Variants in PUDP observed in about 807,000 individuals in gnomAD.
PUDP encodes pseudouridine-5'-phosphatase.
PUDP carries 8 observed loss-of-function variants against 9.4 expected under a neutral mutation model. The observed-to-expected ratio is 0.85, with a 90% CI of 0.50 to 1.53. PUDP has a LOEUF of 1.53. Ranked by LOEUF, PUDP falls within the 40% of genes most tolerant of loss-of-function variation. The pLI is 0.00. For missense variants in PUDP, 188 were observed against 189.7 expected, an observed-to-expected ratio of 0.99 and a Z score of 0.05; for synonymous variants, 99 against 80.7, an observed-to-expected ratio of 1.23 and a Z score of -1.22.
At chrX:6,948,024 AC>A (rs972000594) in intron 3 of PUDP, among the ~76,000 whole-genome samples, 2 of 111,642 alleles carry the variant, frequency 1.8e-5, no homozygotes, top group African/African-American at 6.5e-5. Context: ...AAAAGGAAAA[AC>A]AAAAAGGAGG....
At chrX:6,871,891 A>T (rs751972740) in intron 3 of PUDP, among the ~76,000 whole-genome samples, 5 of 111,943 alleles carry the variant, frequency 4.5e-5, no homozygotes, top group African/African-American at 9.7e-5. Flanking sequence ...ATAGCTTTTT[A>T]AAAAAACCTT....
At chrX:6,826,636 A>G (rs983708817) in intron 3 of PUDP, among the ~76,000 whole-genome samples, 2 of 112,496 alleles carry the variant, frequency 1.8e-5, no homozygotes, top group African/African-American at 6.5e-5. Flanking sequence ...GCAAAAAAAG[A>G]AGAAGAAAAT....
intron 3 of PUDP, among the ~76,000 whole-genome samples, chrX:6,797,123 C>T (rs1037303): frequency 0.36 from 40,227 of 110,696 alleles, 5,966 homozygotes; most frequent in East Asian, 0.7. Flanking sequence ...GTTAGGGTAC[C>T]TGTGTAACTG....
intron 3 of PUDP, among the ~76,000 whole-genome samples, chrX:6,859,843 T>C (rs771864605): frequency 9.0e-6 from 1 of 110,997 alleles, no homozygotes; most frequent in African/African-American, 3.3e-5. Context: ...GCCCACCAAA[T>C]TGTCCATAAA....
At chrX:6,991,676 C>CAAA (rs5901333) in intron 1 of PUDP, among the ~76,000 whole-genome samples, 26 of 85,726 alleles carry the variant, frequency 3.0e-4, no homozygotes, top group African/African-American at 5.5e-4. Flanking sequence ...GACCTTGTCT[C>CAAA]AAAAAAAAAA....
At chrX:6,836,499 G>A (rs1279934624) in intron 3 of PUDP, among the ~76,000 whole-genome samples, 2 of 112,039 alleles carry the variant, frequency 1.8e-5, no homozygotes, top group Non-Finnish European at 3.8e-5. Flanking sequence ...GTAAGATGCT[G>A]AGCAGAGAAC....
chrX:7,095,903 G>A (rs1243977380), intron 2 of PUDP, among the ~76,000 whole-genome samples: 1 of 112,173 alleles, frequency 8.9e-6, no homozygotes, highest in Non-Finnish European at 1.9e-5. Flanking sequence ...GTGTCAGTGT[G>A]GACATATGAA....
At chrX:7,070,085 C>T (rs945972485) in intron 3 of PUDP, among the ~76,000 whole-genome samples, 1 of 111,270 alleles carries the variant, frequency 9.0e-6, no homozygotes, top group African/African-American at 3.3e-5. Context: ...ATTTACAGGC[C>T]CCCAATCACT....
chrX:6,851,017 A>G (rs1926819367), intron 3 of PUDP, among the ~76,000 whole-genome samples: 1 of 112,474 alleles, frequency 8.9e-6, no homozygotes, highest in African/African-American at 3.2e-5. Context: ...CCAGGCATCT[A>G]ACTTATTTGT....
chrX:7,120,397 G>C (rs1466823768), intron 1 of PUDP, among the ~76,000 whole-genome samples: 3 of 110,932 alleles, frequency 2.7e-5, no homozygotes, highest in Non-Finnish European at 5.7e-5. Flanking sequence ...CTAGGAGCTG[G>C]AGAGGCAAGG....
At chrX:6,734,889 C>T (rs1034875756) in intron 3 of PUDP, among the ~76,000 whole-genome samples, 29 of 111,945 alleles carry the variant, frequency 2.6e-4, no homozygotes, top group Middle Eastern at 4.6e-3. Flanking sequence ...ATCAGGTGCA[C>T]AGACAAATTA....
chrX:6,751,632 T>C (rs1390694166), intron 3 of PUDP, among the ~76,000 whole-genome samples: 1 of 111,428 alleles, frequency 9.0e-6, no homozygotes, highest in Non-Finnish European at 1.9e-5. Flanking sequence ...TTTTTCAAGA[T>C]AAAAAGTGCA....
At chrX:6,782,978 C>T (rs764582518) in intron 3 of PUDP, among the ~76,000 whole-genome samples, 2 of 111,301 alleles carry the variant, frequency 1.8e-5, no homozygotes, top group South Asian at 7.7e-4. Flanking sequence ...CCCACCCTCA[C>T]GCAGCAAACC....
chrX:7,147,117 A>T (rs1317008630), intron 1 of PUDP, among the ~76,000 whole-genome samples: 5 of 110,959 alleles, frequency 4.5e-5, no homozygotes, highest in African/African-American at 1.6e-4. Context: ...TGAAGTTCAC[A>T]TGTGCTAAGA....
chrX:7,080,918 CAAA>C (rs746448938), intron 2 of PUDP, among the ~76,000 whole-genome samples: 2 of 47,949 alleles, frequency 4.2e-5, no homozygotes, highest in Admixed American at 2.7e-4. Flanking sequence ...GACTCCATCT[CAAA>C]AAAAAAAAAA....
At chrX:6,750,906 G>A (rs1037412246) in intron 3 of PUDP, among the ~76,000 whole-genome samples, 1 of 111,269 alleles carries the variant, frequency 9.0e-6, no homozygotes, top group Non-Finnish European at 1.9e-5. Context: ...TTGGGAGGCC[G>A]AGGCGGGCAG....
chrX:7,035,970 G>A (rs1210844097), intron 1 of PUDP, among the ~76,000 whole-genome samples: 2 of 111,437 alleles, frequency 1.8e-5, no homozygotes, highest in Non-Finnish European at 1.9e-5. Flanking sequence ...GTTGTTAAAA[G>A]AGCGGGCCAC....
chrX:6,789,834 GAGAT>G (rs1461378468), intron 3 of PUDP, among the ~76,000 whole-genome samples: 8 of 94,249 alleles, frequency 8.5e-5, no homozygotes, highest in Admixed American at 1.2e-4. Context: ...ATAGATCATA[GAGAT>G]AGATAGATTA....
chrX:6,881,976 ACTTT>A (rs1434690795), intron 3 of PUDP, among the ~76,000 whole-genome samples: 3 of 93,928 alleles, frequency 3.2e-5, no homozygotes, highest in African/African-American at 1.2e-4. Flanking sequence ...TTTTTTTTTT[ACTTT>A]TTTTTTTTTT....
Sources: allele counts gnomAD v4.1 joint callset (sites outside exome capture counted in the v4.1 genomes callset), GRCh38; gene constraint gnomAD v4.1.1; transcripts MANE v1.5; gene names NCBI Gene and HGNC (gene_info 2026-07-23, HGNC 2026-07-21).